Variants in AKAP1 observed in about 807,000 individuals in gnomAD.
AKAP1 encodes A-kinase anchoring protein 1.
AKAP1 carries 32 observed loss-of-function variants against 79.8 expected under a neutral mutation model. The ratio of observed to expected loss-of-function variants is 0.40; its 90% confidence interval spans 0.30 to 0.54. AKAP1 has a LOEUF of 0.54. Among genes scored for constraint, AKAP1 ranks in the 20% least tolerant of loss-of-function variants. The probability of loss-of-function intolerance (pLI) is 0.47; values close to 1 mark genes in which losing one functional copy is unlikely to be tolerated. For missense variants in AKAP1, 961 were observed against 1,138.9 expected, an observed-to-expected ratio of 0.84 and a Z score of 2.25; for synonymous variants, 416 against 466.7, an observed-to-expected ratio of 0.89 and a Z score of 1.40.
chr17:57,116,012 C>T lies in AKAP1; in HGVS notation c.2282-99C>T, dbSNP rs1243929517. On this transcript the variant is annotated intron_variant, in intron 6 of 10. Transcript: ENST00000337714. ...TCCCCTGCACTGTGGAGGTTGCAGG[C>T]CTCTGAGAGGTAACGCAGGGAGGTG... 27 of 1,417,740 alleles carry T rather than the reference C, an allele frequency of 1.9e-5. No individual in the cohort carries two copies. In the East Asian group the frequency reaches 6.2e-4, roughly 33 times the overall value. The allele number at this position is 1,417,740 out of a possible 1,614,324, so 87.8% of individuals were successfully genotyped here.
At chr17:57,115,349 C>G (rs1915515677) in intron 6 of AKAP1, among the ~76,000 whole-genome samples, 1 of 152,166 alleles carries the variant, frequency 6.6e-6, no homozygotes, top group Non-Finnish European at 1.5e-5. Flanking sequence ...TTTTCATTGG[C>G]TTCTCTAAAG....
chr17:57,111,378 C>T (rs146987535), intron 3 of AKAP1, among the ~76,000 whole-genome samples: 54 of 152,292 alleles, frequency 3.5e-4, no homozygotes, highest in South Asian at 1.0e-3. Flanking sequence ...GAGAGGGGCA[C>T]GAGAAATCGA....
rs763236733 is a variant in AKAP1 at position 57,107,140 on chromosome 17, A to C, written c.1676A>C (p.Asp559Ala). The part of the protein sequence containing the change: ...KGELSDLGAE[D>A]GWTMDAEADH... The stretch of plus-strand genomic sequence containing the variant: ...GAGTTGTCAGACTTGGGGGCTGAGG[A>C]TGGATGGACCATGGATGCGGAAGCA... Residue 559 changes from aspartate to alanine, a missense_variant, in exon 2 of 11, where the codon GAT (aspartate) becomes GCT (alanine). By Grantham distance (126) the Asp-to-Ala change is moderately radical (BLOSUM62 -2). This residue lies in a region of AKAP1 where 629 missense variants were observed against 781.1 expected (regional missense o/e 0.81). Coordinates refer to ENST00000337714, the MANE Select transcript of AKAP1 (RefSeq NM_003488.4). The C allele has an allele frequency of 1.2e-6, 2 of 1,613,326 alleles. No homozygotes were observed. Among genetic ancestry groups the C allele is most frequent in the East Asian group, 4.5e-5 (2 of 44,874 alleles).
rs554094085 is a variant in AKAP1, at chr17:57,091,537, G to A, written c.-25+6139G>A. ...GTGGCAGGGGCCCAGCCTGCCTCCTGGTGCAGGCAGGCATGTGACTGAGGC... is the reference window on the plus strand; with the variant it reads ...GTGGCAGGGGCCCAGCCTGCCTCCTAGTGCAGGCAGGCATGTGACTGAGGC... On this transcript the variant is annotated intron_variant, in intron 1 of 10. Coordinates refer to ENST00000337714, the MANE Select transcript of AKAP1 (RefSeq NM_003488.4). Among the ~76,000 whole-genome samples, 4 of 152,246 alleles carry A rather than the reference G, an allele frequency of 2.6e-5. No homozygotes were observed. In the East Asian group the frequency reaches 7.7e-4, roughly 29 times the overall value.
In AKAP1 at chr17:57,097,678, C is replaced by T. The variant is rs1914208611; in HGVS notation, c.-24-7763C>T. On this transcript the variant is annotated intron_variant, in intron 1 of 10. Transcript: ENST00000337714. The stretch of plus-strand genomic sequence containing the variant: ...GCAGGAACTTAATGAGCTGGGCACT[C>T]TGGAGGTGGAGTGTCTTGGGCAGGC... Among the ~76,000 whole-genome samples, 2 of 152,240 alleles carry T rather than the reference C, an allele frequency of 1.3e-5. 1 individual carries two copies. The highest frequency in any genetic ancestry group is 4.1e-4 in the South Asian group (2 of 4,834).
chr17:57,097,668 G>A (rs1914208144), intron 1 of AKAP1, among the ~76,000 whole-genome samples: 1 of 152,242 alleles, frequency 6.6e-6, no homozygotes, highest in Non-Finnish European at 1.5e-5. Context: ...AACTTAATGA[G>A]CTGGGCACTC....
At chr17:57,108,087 G>C (rs1197314497) in intron 2 of AKAP1, 1 of 1,126,130 alleles carries the variant, frequency 8.9e-7, no homozygotes, top group African/African-American at 1.7e-5. Flanking sequence ...GGCACCCTGG[G>C]GTGTTTTCAT....
At chr17:57,100,449 A>G (rs868710877) in intron 1 of AKAP1, among the ~76,000 whole-genome samples, 5 of 151,174 alleles carry the variant, frequency 3.3e-5, no homozygotes, top group South Asian at 2.1e-4. Context: ...ACACACACGC[A>G]CACACACACA....
intron 6 of AKAP1, among the ~76,000 whole-genome samples, chr17:57,115,549 G>T (rs1915529327): frequency 6.6e-6 from 1 of 152,150 alleles, no homozygotes; most frequent in African/African-American, 2.4e-5. Context: ...CCCACAGTGG[G>T]TTAGTGACTC....
At position 57,106,485 on chromosome 17, in the gene AKAP1, A is replaced by T. The variant is rs1294810779; in HGVS notation, c.1021A>T (p.Asn341Tyr). The change falls in exon 2 of 11, where the codon AAT becomes TAT. Residue 341 changes from asparagine (N) to tyrosine (Y), a missense_variant. Asn to Tyr is a moderately radical substitution (Grantham distance 143). This residue lies in a region of AKAP1 where 629 missense variants were observed against 781.1 expected (regional missense o/e 0.81). Transcript: ENST00000337714. ...TAGAAATGAGGAGGGCTTGGATAGAAATGAGGAGATTAAGCGGGCTGCCTT... is the reference window on the plus strand; with the variant it reads ...TAGAAATGAGGAGGGCTTGGATAGATATGAGGAGATTAAGCGGGCTGCCTT... The part of the protein sequence containing the change: ...LDRNEEGLDR[N>Y]EEIKRAAFQI... The T allele has an allele frequency of 6.2e-7, 1 of 1,613,422 alleles. No individual in the cohort carries two copies. The highest frequency in any genetic ancestry group is 1.7e-5 in the Admixed American group (1 of 60,000).
At position 57,121,181 on chromosome 17, in the gene AKAP1, CTG is replaced by C. The variant is rs1915899503; in HGVS notation, c.*860_*861del. On this transcript the variant is annotated 3_prime_UTR_variant, in exon 11 of 11. Coordinates refer to ENST00000337714, the MANE Select transcript of AKAP1 (RefSeq NM_003488.4). Reference sequence around the variant, plus strand: ...TGGACAGGTGACTGTATGGTAGAGACTGTGATCTGGGAACTTTTTGCTGTACA... The same window carrying C: ...TGGACAGGTGACTGTATGGTAGAGACTGATCTGGGAACTTTTTGCTGTACA... The C allele has an allele frequency of 6.6e-6, 1 of 151,152 alleles. No individual in the cohort carries two copies. The highest frequency in any genetic ancestry group is 1.5e-5 in the Non-Finnish European group (1 of 67,950). 9.4% of individuals were successfully genotyped at this position (151,152 alleles called of 1,614,324 possible). A position where few individuals can be genotyped will look rare whatever the true frequency, so the allele number is the denominator to read the frequency against.
At chr17:57,114,410 T>G in intron 5 of AKAP1, 49 bp from the exon 6 acceptor site, 4,262 of 1,555,760 alleles carry the variant, frequency 2.7e-3, no homozygotes, top group Non-Finnish European at 3.4e-3. Context: ...TATTCAAAGA[T>G]GAGATAAGAA....
At chr17:57,118,063 C>G (rs1212167589) in intron 8 of AKAP1, among the ~76,000 whole-genome samples, 1 of 152,128 alleles carries the variant, frequency 6.6e-6, no homozygotes, top group Admixed American at 6.6e-5. Flanking sequence ...TCTGCACTGC[C>G]AGCATCCGAG....
chr17:57,097,513 A>C (rs936721107), intron 1 of AKAP1, among the ~76,000 whole-genome samples: 2 of 152,254 alleles, frequency 1.3e-5, no homozygotes, highest in African/African-American at 4.8e-5. Context: ...ATTTTCCTCG[A>C]CCAAACTCCC....
chr17:57,120,026 A>T (rs1449384870), intron 10 of AKAP1, among the ~76,000 whole-genome samples: 1 of 151,638 alleles, frequency 6.6e-6, no homozygotes, highest in Admixed American at 6.6e-5. Flanking sequence ...GGGTTTCACC[A>T]TGTTGGCCAG....
At chr17:57,117,369 T>C (rs1363387455) in intron 8 of AKAP1, among the ~76,000 whole-genome samples, 3 of 152,180 alleles carry the variant, frequency 2.0e-5, no homozygotes, top group African/African-American at 7.2e-5. Context: ...AAATCTTGGG[T>C]AAATGACTTA....
Position 57,107,192 on chromosome 17 carries a change from G to C in AKAP1, c.1714+14G>C. 6.3e-7 allele frequency: 1 copy of C among 1,580,660 alleles called. No individual in the cohort carries two copies. The highest frequency in any genetic ancestry group is 8.6e-7 in the Non-Finnish European group (1 of 1,159,632). On this transcript the variant is annotated intron_variant, in intron 2 of 10. Coordinates refer to ENST00000337714, the MANE Select transcript of AKAP1 (RefSeq NM_003488.4). ...ATCATTCAGGAGGTAGGAGGGTCTC[G>C]GGTTCGTTTAGAGGATGGGGCGCTC...
intron 3 of AKAP1, among the ~76,000 whole-genome samples, chr17:57,111,412 C>A (rs934479865): frequency 5.3e-5 from 8 of 152,240 alleles, no homozygotes; most frequent in African/African-American, 1.4e-4. Flanking sequence ...GGTGAAACTT[C>A]TCAGCATGGC....
chr17:57,109,835 A>T (rs1174027770), intron 2 of AKAP1, among the ~76,000 whole-genome samples, 190 bp from the exon 3 acceptor site: 1 of 152,100 alleles, frequency 6.6e-6, no homozygotes, highest in Non-Finnish European at 1.5e-5. Flanking sequence ...AGGTGTATCG[A>T]CACCCCCAGT....
Sources: allele counts gnomAD v4.1 joint callset (sites outside exome capture counted in the v4.1 genomes callset), GRCh38; gene constraint gnomAD v4.1.1; regional missense constraint gnomAD v4.1.1; transcripts MANE v1.5; gene names NCBI Gene and HGNC (gene_info 2026-07-23, HGNC 2026-07-21).